Variants in TGFBR3 observed in about 807,000 individuals in gnomAD.
TGFBR3 encodes transforming growth factor beta receptor 3.
Under a neutral mutation model 87.9 loss-of-function variants are expected in TGFBR3, and 46 were observed. The ratio of observed to expected loss-of-function variants is 0.52; its 90% CI spans 0.41 to 0.67. The LOEUF (loss-of-function observed/expected upper bound fraction) is 0.67, where lower values mean the gene tolerates loss of function less well. TGFBR3 is among the 30% of genes least tolerant of loss of function. The probability of loss-of-function intolerance (pLI) is 0.00; values close to 1 mark genes in which losing one functional copy is unlikely to be tolerated. For missense variants in TGFBR3, 866 were observed against 1,041.9 expected, an observed-to-expected ratio of 0.83 and a Z score of 2.32; for synonymous variants, 381 against 391.6, an observed-to-expected ratio of 0.97 and a Z score of 0.32.
intron 15 of TGFBR3, among the ~76,000 whole-genome samples, chr1:91,697,617 A>G (rs6693438): frequency 0.22 from 32,755 of 152,188 alleles, 3,794 homozygotes; most frequent in African/African-American, 0.28. Context: ...TCATTCTTAC[A>G]TGCTCTTCCT....
At chr1:91,793,976 T>G (rs1282032627) in intron 3 of TGFBR3, among the ~76,000 whole-genome samples, 1 of 152,066 alleles carries the variant, frequency 6.6e-6, no homozygotes, top group East Asian at 1.9e-4. Flanking sequence ...ATTAGGTGAG[T>G]TTAAGTTGAA....
chr1:91,901,352 A>T (rs530430847), intron 1 of TGFBR3, among the ~76,000 whole-genome samples: 19 of 152,358 alleles, frequency 1.2e-4, no homozygotes, highest in Non-Finnish European at 2.4e-4. Flanking sequence ...GAAGAAAAGG[A>T]TAGTCAGAAG....
intron 5 of TGFBR3, among the ~76,000 whole-genome samples, chr1:91,730,583 T>C (rs149504208): frequency 6.6e-6 from 1 of 152,358 alleles, no homozygotes; most frequent in Admixed American, 6.5e-5. Flanking sequence ...AATACTTATG[T>C]ATTTCATGGT....
At chr1:91,798,101 C>G (rs543266234) in intron 2 of TGFBR3, among the ~76,000 whole-genome samples, 1 of 152,324 alleles carries the variant, frequency 6.6e-6, no homozygotes, top group African/African-American at 2.4e-5. Context: ...TTCATTCCCT[C>G]TTCCTCTAAT....
intron 15 of TGFBR3, 85 bp from the exon 16 acceptor site, chr1:91,695,864 G>T: frequency 1.8e-6 from 2 of 1,088,696 alleles, no homozygotes; most frequent in Non-Finnish European, 2.8e-6. Flanking sequence ...CACAAGCACT[G>T]TCATAAAGGT....
chr1:91,818,561 A>AAT (rs1676332446), intron 2 of TGFBR3, among the ~76,000 whole-genome samples: 1 of 152,144 alleles, frequency 6.6e-6, no homozygotes. Flanking sequence ...GAGTGAGGCT[A>AAT]ATATATATCA....
At chr1:91,905,803 T>C (rs1313413156) in intron 1 of TGFBR3, 1 of 152,166 alleles carries the variant, frequency 6.6e-6, no homozygotes, top group Non-Finnish European at 1.5e-5. Context: ...AATATTAGCT[T>C]AAGCAAAAAA....
At chr1:91,819,250 C>T (rs537673000) in intron 2 of TGFBR3, among the ~76,000 whole-genome samples, 1 of 152,082 alleles carries the variant, frequency 6.6e-6, no homozygotes, top group Non-Finnish European at 1.5e-5. Context: ...CGCCTGTAAT[C>T]CCAGCTACCT....
chr1:91,831,942 A>G (rs1676868423), intron 2 of TGFBR3, among the ~76,000 whole-genome samples: 1 of 152,266 alleles, frequency 6.6e-6, no homozygotes, highest in Non-Finnish European at 1.5e-5. Flanking sequence ...TTTAATTAAC[A>G]TAGAAAATTA....
In TGFBR3 at chr1:91,893,262, G is replaced by A. The variant is rs577025862; in HGVS notation, c.-114+6375C>T. ...GAGTTTCTTTTAACATGTTGTCTAA[G>A]GAGAAAGAAGAGTTTCTTAACTTGT... is the stretch of plus-strand genomic sequence containing the variant. On this transcript the variant is annotated intron_variant, in intron 2 of 17. Coordinates refer to the TGFBR3 transcript ENST00000370399. Among the ~76,000 whole-genome samples, 5 of 151,856 alleles carry A rather than the reference G, an allele frequency of 3.3e-5. No individual in the cohort carries two copies. In the East Asian group the frequency reaches 9.7e-4, roughly 29 times the overall value.
intron 3 of TGFBR3, among the ~76,000 whole-genome samples, chr1:91,793,633 C>A (rs1173019277): frequency 6.6e-6 from 1 of 151,942 alleles, no homozygotes; most frequent in Non-Finnish European, 1.5e-5. Flanking sequence ...GATGAAACTC[C>A]ATTTCTACTA....
At chr1:91,706,547 G>A (rs966474057) in intron 14 of TGFBR3, among the ~76,000 whole-genome samples, 7 of 152,178 alleles carry the variant, frequency 4.6e-5, no homozygotes, top group Non-Finnish European at 8.8e-5. Flanking sequence ...TCCGGGAATT[G>A]CCTGCCCCTT....
At chr1:91,718,054 G>A (rs1267555951) in intron 10 of TGFBR3, among the ~76,000 whole-genome samples, 4 of 151,990 alleles carry the variant, frequency 2.6e-5, no homozygotes, top group East Asian at 1.9e-4. Flanking sequence ...GAGGTCAAAG[G>A]TTAATAAATT....
At chr1:91,726,526 T>TAA (rs397861947) in intron 7 of TGFBR3, among the ~76,000 whole-genome samples, 48 of 136,148 alleles carry the variant, frequency 3.5e-4, no homozygotes, top group African/African-American at 9.7e-4. Flanking sequence ...AGCAAAGTTA[T>TAA]AAAAAAAAAA....
At chr1:91,725,748 A>T (rs533536884) in intron 7 of TGFBR3, among the ~76,000 whole-genome samples, 1 of 152,346 alleles carries the variant, frequency 6.6e-6, no homozygotes, top group East Asian at 1.9e-4. Flanking sequence ...ATCTACTAGG[A>T]GTAGTAATTG....
chr1:91,782,418 G>A (rs138715940), intron 3 of TGFBR3, among the ~76,000 whole-genome samples: 23 of 152,282 alleles, frequency 1.5e-4, no homozygotes, highest in East Asian at 1.9e-4. Context: ...TGCCCAACAC[G>A]GAATCATGTG....
chr1:91,798,263 C>A (rs992912535), intron 2 of TGFBR3, among the ~76,000 whole-genome samples: 3 of 152,192 alleles, frequency 2.0e-5, no homozygotes, highest in Admixed American at 6.5e-5. Context: ...AACCTAGAGG[C>A]ACTCAATGTT....
chr1:91,868,539 C>A (rs1277623680), intron 1 of TGFBR3, among the ~76,000 whole-genome samples: 1 of 152,104 alleles, frequency 6.6e-6, no homozygotes, highest in African/African-American at 2.4e-5. Context: ...GCTGCAGGGC[C>A]CTTCTCGATT....
rs372344244 is a variant in TGFBR3, at chr1:91,734,922, T to A, written c.422A>T (p.Asn141Ile). The A allele has an allele frequency of 9.9e-6, 16 of 1,614,004 alleles. No homozygotes were observed. In the African/African-American group the frequency reaches 1.9e-4, roughly 19 times the overall value. Residue 141 changes from asparagine (N) to isoleucine (I), a missense_variant, in exon 5 of 17, where the codon AAC becomes ATC. Asn to Ile is a moderately radical substitution (Grantham distance 149, BLOSUM62 -3). Coordinates refer to ENST00000212355, the MANE Select transcript of TGFBR3 (RefSeq NM_003243.5). ...TTCTGTTTCTGCTGTCAAGGAGAAG[T>A]TTGCTGATGAAAACTGGACCACAGA... ...EGSVVQFSSA[N>I]FSLTAETEER...
Sources: gnomAD v4.1 joint callset for allele counts (sites outside exome capture counted in the v4.1 genomes callset) on GRCh38, gnomAD v4.1.1 for gene constraint, MANE v1.5 for transcripts, NCBI Gene and HGNC (gene_info 2026-07-23, HGNC 2026-07-21) for gene names.